NCAM2: variants seen among roughly 807,000 people sequenced by gnomAD.
NCAM2 encodes neural cell adhesion molecule 2.
NCAM2 carries 30 observed loss-of-function variants against 98.1 expected under a neutral mutation model. The observed-to-expected ratio is 0.31, with a 90% CI of 0.23 to 0.41. The LOEUF (loss-of-function observed/expected upper bound fraction) is 0.41, where lower values mean the gene tolerates loss of function less well. Among genes scored for constraint, NCAM2 ranks in the 10% least tolerant of loss-of-function variants. The pLI, the probability that NCAM2 is intolerant of heterozygous loss-of-function variation, is 1.00. For missense variants in NCAM2, 867 were observed against 1,005.8 expected, an observed-to-expected ratio of 0.86 and a Z score of 1.87; for synonymous variants, 368 against 342.4, an observed-to-expected ratio of 1.07 and a Z score of -0.83.
Position 21,427,253 on chromosome 21 carries a change from G to A in NCAM2, c.1481-4855G>A, listed in dbSNP as rs1015417298. Among the ~76,000 whole-genome samples the A allele has an allele frequency of 2.6e-5, 4 of 151,448 alleles. No homozygotes were observed. In the South Asian group the frequency reaches 8.3e-4, roughly 31 times the overall value. On this transcript the variant is annotated intron_variant, in intron 11 of 17. Transcript: ENST00000400546. ...AAAAAAGAGATCTTTATAATTCACA[G>A]TAATAAGACTGAGAAGAAAGAATAA...
intron 1 of NCAM2, among the ~76,000 whole-genome samples, chr21:21,265,168 AT>A (rs1172355070): frequency 7.5e-5 from 9 of 120,694 alleles, no homozygotes; most frequent in African/African-American, 9.1e-5. Flanking sequence ...ACTTATATAT[AT>A]TATATATGTA....
intron 7 of NCAM2, among the ~76,000 whole-genome samples, chr21:21,336,268 T>C (rs544919641): frequency 1.3e-5 from 2 of 152,182 alleles, no homozygotes; most frequent in East Asian, 3.9e-4. Flanking sequence ...CTTTAATTAG[T>C]GTAACACTAA....
intron 1 of NCAM2, among the ~76,000 whole-genome samples, chr21:21,266,442 A>G (rs545917071): frequency 1.3e-5 from 2 of 152,238 alleles, no homozygotes; most frequent in East Asian, 3.9e-4. Flanking sequence ...ATGCGGTACT[A>G]TTCACAATAG....
chr21:21,174,006 C>T (rs2068203439), intron 1 of NCAM2, among the ~76,000 whole-genome samples: 1 of 152,164 alleles, frequency 6.6e-6, no homozygotes, highest in South Asian at 2.1e-4. Context: ...TCACTGCAAC[C>T]TCCGCCTCCC....
At chr21:21,265,573 C>T (rs2072236265) in intron 1 of NCAM2, among the ~76,000 whole-genome samples, 2 of 148,024 alleles carry the variant, frequency 1.4e-5, no homozygotes, top group South Asian at 4.2e-4. Flanking sequence ...AAGTGGAATA[C>T]TACACAGACA....
intron 4 of NCAM2, among the ~76,000 whole-genome samples, chr21:21,288,615 T>C (rs553009552): frequency 6.6e-6 from 1 of 151,744 alleles, no homozygotes; most frequent in East Asian, 1.9e-4. Context: ...GTGTAGAAAC[T>C]TATCACATAA....
At chr21:21,306,126 A>G (rs1339372146) in intron 5 of NCAM2, among the ~76,000 whole-genome samples, 2 of 152,150 alleles carry the variant, frequency 1.3e-5, no homozygotes, top group Admixed American at 6.6e-5. Flanking sequence ...TAGATCAAGT[A>G]TATTCCTGAT....
intron 1 of NCAM2, among the ~76,000 whole-genome samples, chr21:21,158,974 A>C (rs2067697483): frequency 6.6e-6 from 1 of 152,138 alleles, no homozygotes; most frequent in Admixed American, 6.5e-5. Context: ...AGGAGAGGAT[A>C]GCTCCATGAT....
chr21:21,285,235 A>G lies in NCAM2; in HGVS notation c.337+835A>G, dbSNP rs566256123. 7.9e-5 allele frequency among the ~76,000 whole-genome samples: 12 copies of G among 151,970 alleles called. No individual in the cohort carries two copies. In the East Asian group the frequency reaches 9.7e-4, roughly 12 times the overall value. On this transcript the variant is annotated intron_variant, in intron 3 of 17. Coordinates refer to ENST00000400546, the MANE Select transcript of NCAM2 (RefSeq NM_004540.5). ...CATTTCTACCAATGGTAAATTATAT[A>G]TATATTAGGAATGCAAGCCCTTAAA...
At chr21:21,516,247 A>G (rs1487767045) in intron 16 of NCAM2, among the ~76,000 whole-genome samples, 1 of 152,194 alleles carries the variant, frequency 6.6e-6, no homozygotes, top group Non-Finnish European at 1.5e-5. Flanking sequence ...TCTGAGAAAT[A>G]AGAATAAAAA....
At chr21:21,077,498 C>A (rs1195376652) in intron 1 of NCAM2, among the ~76,000 whole-genome samples, 1 of 152,180 alleles carries the variant, frequency 6.6e-6, no homozygotes, top group South Asian at 2.1e-4. Context: ...ATGAGGCCCA[C>A]AGTGTAACAT....
intron 1 of NCAM2, among the ~76,000 whole-genome samples, chr21:21,273,132 T>G (rs1031865030): frequency 5.9e-5 from 9 of 152,192 alleles, no homozygotes; most frequent in Non-Finnish European, 1.3e-4. Flanking sequence ...GGTTTCACCG[T>G]ATATTGGCTG....
At chr21:21,143,437 G>A (rs1601485506) in intron 1 of NCAM2, among the ~76,000 whole-genome samples, 1 of 152,074 alleles carries the variant, frequency 6.6e-6, no homozygotes, top group Admixed American at 6.5e-5. Flanking sequence ...AATTTTTAAT[G>A]TAATCAAATG....
At chr21:21,487,403 T>C (rs1410439943) in intron 15 of NCAM2, among the ~76,000 whole-genome samples, 2 of 151,940 alleles carry the variant, frequency 1.3e-5, no homozygotes, top group Non-Finnish European at 2.9e-5. Flanking sequence ...TTTTTTTTCA[T>C]ACAATGGAGT....
intron 1 of NCAM2, among the ~76,000 whole-genome samples, chr21:21,080,602 GCA>G (rs2065773005): frequency 1.3e-5 from 1 of 77,022 alleles, no homozygotes; most frequent in African/African-American, 5.4e-5. Context: ...GGCAACAAGA[GCA>G]AAACTCTGTC....
chr21:21,424,653 C>G (rs2077176805), intron 11 of NCAM2, among the ~76,000 whole-genome samples: 2 of 152,054 alleles, frequency 1.3e-5, no homozygotes. Context: ...TAATGGAAGA[C>G]TGGAAGGGTA....
chr21:21,267,842 A>G (rs1052884763), intron 1 of NCAM2, among the ~76,000 whole-genome samples: 2 of 152,196 alleles, frequency 1.3e-5, no homozygotes, highest in Admixed American at 6.5e-5. Flanking sequence ...TATGTAAGAA[A>G]GTCCTAAAGA....
At chr21:21,210,283 G>A (rs1047524945) in intron 1 of NCAM2, among the ~76,000 whole-genome samples, 2 of 152,080 alleles carry the variant, frequency 1.3e-5, no homozygotes, top group East Asian at 1.9e-4. Flanking sequence ...AACATAAAAC[G>A]TTAAAATGCA....
At chr21:21,475,211 A>G (rs1985009346) in intron 14 of NCAM2, among the ~76,000 whole-genome samples, 1 of 152,050 alleles carries the variant, frequency 6.6e-6, no homozygotes, top group African/African-American at 2.4e-5. Flanking sequence ...AATTAGGACA[A>G]ATGAAGAGAA....
Sources: gnomAD v4.1 joint callset for allele counts (sites outside exome capture counted in the v4.1 genomes callset) on GRCh38, gnomAD v4.1.1 for gene constraint, MANE v1.5 for transcripts, NCBI Gene and HGNC (gene_info 2026-07-23, HGNC 2026-07-21) for gene names.